KDM6A: variants seen among roughly 807,000 people sequenced by gnomAD.
KDM6A encodes the protein lysine demethylase 6A, also known as lysine-specific demethylase 6A.
A neutral mutation model predicts 117.6 loss-of-function variants in KDM6A; 11 were observed. That is an observed-to-expected ratio of 0.09 (90% CI 0.06 to 0.15). KDM6A has a LOEUF of 0.15. KDM6A is among the 10% of genes least tolerant of loss of function. KDM6A has a pLI of 1.00. For synonymous variants in KDM6A, 384 were observed against 396.1 expected, an observed-to-expected ratio of 0.97 and a Z score of 0.36; for missense variants, 799 against 1,077.3, an observed-to-expected ratio of 0.74 and a Z score of 3.62.
At chrX:45,050,306 C>T (rs1422708506) in intron 8 of KDM6A, among the ~76,000 whole-genome samples, 1 of 112,674 alleles carries the variant, frequency 8.9e-6, no homozygotes, top group African/African-American at 3.2e-5. Context: ...TGCCATTGCA[C>T]TCCAGCCTGG....
chrX:45,039,936 T>C (rs200722898), intron 8 of KDM6A, among the ~76,000 whole-genome samples: 2 of 59,307 alleles, frequency 3.4e-5, no homozygotes, highest in African/African-American at 6.7e-5. Flanking sequence ...GGCAACCATC[T>C]GATTTCTCAA....
intron 2 of KDM6A, among the ~76,000 whole-genome samples, chrX:44,950,019 A>C (rs2037891282): frequency 9.1e-6 from 1 of 109,934 alleles, no homozygotes; most frequent in Non-Finnish European, 1.9e-5. Context: ...TATAATGCCA[A>C]CTTTTTTTTT....
intron 2 of KDM6A, among the ~76,000 whole-genome samples, chrX:44,889,739 T>C (rs2033185119): frequency 8.9e-6 from 1 of 112,646 alleles, no homozygotes; most frequent in Admixed American, 9.5e-5. Flanking sequence ...GCTCTTTGTC[T>C]TGTTGGACTT....
At chrX:45,041,332 C>T (rs1470787870) in intron 8 of KDM6A, among the ~76,000 whole-genome samples, 4 of 85,254 alleles carry the variant, frequency 4.7e-5, no homozygotes, top group African/African-American at 1.4e-4. Flanking sequence ...CTGGACGGGG[C>T]GACTGGCCGG....
intron 21 of KDM6A, among the ~76,000 whole-genome samples, chrX:45,079,570 G>A (rs749195585): frequency 2.0e-4 from 22 of 111,657 alleles, no homozygotes; most frequent in Non-Finnish European, 3.6e-4. Context: ...TTGAGACGGA[G>A]TCTCCATCTG....
At chrX:45,076,569 C>T in intron 18 of KDM6A, 128 bp from the exon 19 acceptor site, 1 of 486,297 alleles carries the variant, frequency 2.1e-6, no homozygotes, top group Non-Finnish European at 3.5e-6. Context: ...GATGGATCCA[C>T]ATCCCACATC....
chrX:44,955,652 A>G (rs911916957), intron 2 of KDM6A, among the ~76,000 whole-genome samples: 63 of 111,532 alleles, frequency 5.6e-4, no homozygotes, highest in African/African-American at 2.1e-3. Flanking sequence ...CAGTGATTTT[A>G]ATAAAAATGT....
chrX:45,088,922 T>A (rs1247571700), intron 25 of KDM6A, among the ~76,000 whole-genome samples: 1 of 112,450 alleles, frequency 8.9e-6, no homozygotes, highest in Non-Finnish European at 1.9e-5. Context: ...TGAAGTTGTT[T>A]TGAACTGCAT....
intron 2 of KDM6A, among the ~76,000 whole-genome samples, chrX:44,939,004 GCA>G (rs2037139214): frequency 8.9e-6 from 1 of 112,362 alleles, no homozygotes; most frequent in Admixed American, 9.5e-5. Context: ...TATTGACGAT[GCA>G]CTTGTTTACC....
chrX:45,044,396 T>A (rs1393320487), intron 8 of KDM6A, among the ~76,000 whole-genome samples: 4 of 111,693 alleles, frequency 3.6e-5, no homozygotes. Context: ...GATAGAGGAT[T>A]TCTCCCTTTT....
chrX:45,015,460 A>G (rs2041924032), intron 5 of KDM6A, among the ~76,000 whole-genome samples: 1 of 111,332 alleles, frequency 9.0e-6, no homozygotes, highest in African/African-American at 3.3e-5. Context: ...ACTAGTCACA[A>G]GTGTTCTTAG....
At chrX:45,074,929 G>C (rs1161240590) in intron 18 of KDM6A, among the ~76,000 whole-genome samples, 1 of 111,592 alleles carries the variant, frequency 9.0e-6, no homozygotes, top group African/African-American at 3.3e-5. Context: ...GTCAAACCTT[G>C]TTTTCTAGTC....
At chrX:45,064,788 C>T (rs1450599226) in intron 17 of KDM6A, among the ~76,000 whole-genome samples, 1 of 111,775 alleles carries the variant, frequency 8.9e-6, no homozygotes, top group Non-Finnish European at 1.9e-5. Flanking sequence ...GAAATAAGTT[C>T]TTTTTCTAAG....
intron 2 of KDM6A, among the ~76,000 whole-genome samples, chrX:44,903,590 C>T (rs762057842): frequency 1.2e-3 from 128 of 111,187 alleles, no homozygotes; most frequent in Non-Finnish European, 2.1e-3. Flanking sequence ...CATGGTGTTG[C>T]TCAGGTTTCT....
chrX:44,898,124 T>A, intron 2 of KDM6A, among the ~76,000 whole-genome samples: 1 of 111,544 alleles, frequency 9.0e-6, no homozygotes, highest in East Asian at 2.8e-4. Flanking sequence ...AGATGAACTT[T>A]CTGACGGGCC....
intron 2 of KDM6A, among the ~76,000 whole-genome samples, chrX:44,882,619 T>C (rs775822160): frequency 5.3e-4 from 60 of 112,728 alleles, no homozygotes; most frequent in African/African-American, 1.7e-3. Context: ...CTGAGAACTT[T>C]ATGAATCATA....
chrX:44,950,583 A>AGTGT (rs59987785), intron 2 of KDM6A, among the ~76,000 whole-genome samples: 62 of 106,126 alleles, frequency 5.8e-4, no homozygotes, highest in African/African-American at 1.6e-3. Context: ...CCTGGGTGTG[A>AGTGT]GTGTGTGTGT....
chrX:44,877,203 A>G (rs1417199991), intron 2 of KDM6A, among the ~76,000 whole-genome samples: 1 of 111,946 alleles, frequency 8.9e-6, no homozygotes, highest in African/African-American at 3.2e-5. Context: ...CAGTTATATT[A>G]GAGTCATTGA....
intron 8 of KDM6A, among the ~76,000 whole-genome samples, chrX:45,040,423 C>T (rs1391830713): frequency 8.2e-5 from 7 of 85,133 alleles, no homozygotes; most frequent in East Asian, 4.1e-4. Context: ...CCCTCCCAGA[C>T]GGGGCGGCTG....
Sources: allele counts gnomAD v4.1 joint callset (sites outside exome capture counted in the v4.1 genomes callset), GRCh38; gene constraint gnomAD v4.1.1; transcripts MANE v1.5; gene names NCBI Gene and HGNC (gene_info 2026-07-23, HGNC 2026-07-21).